The following VTCN1 variants were observed in gnomAD, a reference collection of about 807,000 sequenced individuals.
The protein encoded by VTCN1 is V-set domain containing T cell activation inhibitor 1, also known as V-set domain-containing T-cell activation inhibitor 1.
In VTCN1, 26 loss-of-function variants were observed where a neutral mutation model predicts 26.5. That is an observed-to-expected ratio of 0.98 (90% confidence interval 0.72 to 1.36). VTCN1 has a LOEUF of 1.36. VTCN1 is among the 40% of genes most tolerant of loss of function. The pLI, the probability that VTCN1 is intolerant of heterozygous loss-of-function variation, is 0.00. For synonymous variants in VTCN1, 116 were observed against 130.7 expected (o/e 0.89, Z 0.77); for missense variants, 298 against 337.7 (o/e 0.88, Z 0.92).
intron 1 of VTCN1, among the ~76,000 whole-genome samples, chr1:117,208,783 T>C (rs760973305): frequency 6.6e-6 from 1 of 152,158 alleles, no homozygotes; most frequent in Non-Finnish European, 1.5e-5. Context: ...CTGAGCAGCA[T>C]GCATGCTGAG....
chr1:117,153,066 C>T (rs1304665056), intron 4 of VTCN1, 25 bp downstream of exon 4: 1 of 1,584,864 alleles, frequency 6.3e-7, no homozygotes. Context: ...CCAGTAAATC[C>T]ATACAAAAGC....
chr1:117,156,998 CCAGA>C (rs772089682), intron 2 of VTCN1, 77 bp from the exon 3 acceptor site: 2 of 1,607,432 alleles, frequency 1.2e-6, no homozygotes, highest in South Asian at 1.1e-5. Context: ...TTGCTGAAAG[CCAGA>C]CAGAGACTTC....
At chr1:117,157,377 C>T (rs1322511263) in intron 2 of VTCN1, among the ~76,000 whole-genome samples, 2 of 152,072 alleles carry the variant, frequency 1.3e-5, no homozygotes. Flanking sequence ...TTTAATTGGA[C>T]TTACAGTTCC....
chr1:117,172,734 C>G (rs539316177), intron 1 of VTCN1, among the ~76,000 whole-genome samples: 1 of 151,760 alleles, frequency 6.6e-6, no homozygotes, highest in South Asian at 2.1e-4. Context: ...GTGAAGCCAG[C>G]TGGACTTCCT....
At chr1:117,184,141 G>T (rs1184532543) in intron 1 of VTCN1, among the ~76,000 whole-genome samples, 1 of 152,080 alleles carries the variant, frequency 6.6e-6, no homozygotes, top group Non-Finnish European at 1.5e-5. Flanking sequence ...CAGTTTCAGG[G>T]AATATATATT....
chr1:117,164,597 T>C (rs1453181096), intron 2 of VTCN1, among the ~76,000 whole-genome samples: 1 of 152,226 alleles, frequency 6.6e-6, no homozygotes, highest in Admixed American at 6.5e-5. Flanking sequence ...GGTGTGTGAG[T>C]GGACTCTCCT....
chr1:117,185,859 C>T lies in VTCN1; in HGVS notation c.33-15688G>A, dbSNP rs892850687. The stretch of plus-strand genomic sequence containing the variant: ...CCCACTTCAAGTTGTCCCACCTTTC[C>T]AGGTTGAACCAATGTAAAGCTTACA... On this transcript the variant is annotated intron_variant, in intron 1 of 5. Transcript: ENST00000369458. Among the ~76,000 whole-genome samples, 4 of 152,300 alleles carry T rather than the reference C, an allele frequency of 2.6e-5. No homozygotes were observed. The East Asian group carries it at 7.7e-4, about 29-fold the overall frequency.
intron 1 of VTCN1, among the ~76,000 whole-genome samples, chr1:117,208,182 C>A (rs771672633): frequency 1.3e-5 from 2 of 152,236 alleles, no homozygotes; most frequent in South Asian, 2.1e-4. Flanking sequence ...GCATTTCCTG[C>A]CTCAAACTTC....
chr1:117,191,657 C>A (rs1648250566), intron 1 of VTCN1, among the ~76,000 whole-genome samples: 1 of 152,172 alleles, frequency 6.6e-6, no homozygotes, highest in African/African-American at 2.4e-5. Context: ...TGGCACATGC[C>A]TGTAATCCCA....
At chr1:117,195,262 AAATAAT>A (rs61710825) in intron 1 of VTCN1, among the ~76,000 whole-genome samples, 69,116 of 142,302 alleles carry the variant, frequency 0.49, 18,437 homozygotes, top group East Asian at 0.7. Context: ...CTCCGTCTCA[AAATAAT>A]AATAATAATA....
At chr1:117,209,664 C>T (rs1435767612) in intron 1 of VTCN1, among the ~76,000 whole-genome samples, 1 of 152,190 alleles carries the variant, frequency 6.6e-6, no homozygotes, top group East Asian at 1.9e-4. Flanking sequence ...GCCCCTGCCA[C>T]CCACTGCTTC....
rs1336046335 is a variant in VTCN1, at chr1:117,161,095, T to A, written c.98-4174A>T. 6.6e-6 allele frequency among the ~76,000 whole-genome samples: 1 copy of A among 152,206 alleles called. No individual in the cohort carries two copies. Among genetic ancestry groups the A allele is most frequent in the African/African-American group, 2.4e-5 (1 of 41,450 alleles). Reference sequence around the variant, plus strand: ...TGTGGGAGATCTGGGAGACGAATTATGAAAGAGGACAAAATGAAGTTTTTG... The same window carrying A: ...TGTGGGAGATCTGGGAGACGAATTAAGAAAGAGGACAAAATGAAGTTTTTG... On this transcript the variant is annotated intron_variant, in intron 2 of 5. Coordinates refer to ENST00000369458, the MANE Select transcript of VTCN1 (RefSeq NM_024626.4). The surrounding 1 kb of genome is among the most constrained non-coding windows in gnomAD (Gnocchi z 4.3).
At chr1:117,150,596 T>C (rs993858848) in intron 4 of VTCN1, among the ~76,000 whole-genome samples, 4 of 151,374 alleles carry the variant, frequency 2.6e-5, no homozygotes, top group Admixed American at 1.3e-4. Flanking sequence ...ATATGTAATT[T>C]TTTAGTTAGA....
In VTCN1 at chr1:117,181,186, G is replaced by T. The variant is rs187800650; in HGVS notation, c.33-11015C>A. 4.0e-5 allele frequency among the ~76,000 whole-genome samples: 6 copies of T among 151,874 alleles called. No individual in the cohort carries two copies. In the East Asian group the frequency reaches 1.2e-3, roughly 29 times the overall value. The stretch of plus-strand genomic sequence containing the variant: ...AGTCCTAACACTTTGGGAGGCCAAG[G>T]TGGGAGAATTGCTCGAGGCCAGGAG... On this transcript the variant is annotated intron_variant, in intron 1 of 5. Coordinates refer to ENST00000369458, the MANE Select transcript of VTCN1 (RefSeq NM_024626.4).
At chr1:117,173,042 C>T (rs1195470054) in intron 1 of VTCN1, 3 of 643,466 alleles carry the variant, frequency 4.7e-6, no homozygotes, top group Non-Finnish European at 8.7e-6. Flanking sequence ...TTTGGGTCTG[C>T]ACTACCTTTA....
Position 117,175,920 on chromosome 1 carries a change from G to A in VTCN1, c.33-5749C>T, listed in dbSNP as rs994035981. 2.0e-5 allele frequency among the ~76,000 whole-genome samples: 3 copies of A among 151,972 alleles called. No homozygotes were observed. Among genetic ancestry groups the A allele is most frequent in the African/African-American group, 7.3e-5 (3 of 41,358 alleles). On this transcript the variant is annotated intron_variant, in intron 1 of 5. Transcript: ENST00000369458. This position sits in a 1 kb window ranked among gnomAD's most constrained non-coding sequence, Gnocchi z 4.2. Reference sequence around the variant, plus strand: ...CGAGTAGCTGGGATTACAGGCACGTGCCACCACGCCCGGCTAATTTTTTAT... The same window carrying A: ...CGAGTAGCTGGGATTACAGGCACGTACCACCACGCCCGGCTAATTTTTTAT...
chr1:117,168,208 A>G (rs7529019), intron 2 of VTCN1, among the ~76,000 whole-genome samples: 3,499 of 152,284 alleles, frequency 0.023, 150 homozygotes, highest in African/African-American at 0.08. Flanking sequence ...ATAAATTAAC[A>G]TAGGAAATTA....
In VTCN1 at chr1:117,191,068, C is replaced by T. The variant is rs115394944; in HGVS notation, c.32+19756G>A. On this transcript the variant is annotated intron_variant, in intron 1 of 5. Transcript: ENST00000369458. Reference sequence around the variant, plus strand: ...AAAAAAGAAGAGTTTAATAAAGAAACAAAAACCATAAAGAAGAACTAAACA... The same window carrying T: ...AAAAAAGAAGAGTTTAATAAAGAAATAAAAACCATAAAGAAGAACTAAACA... 9.9e-3 allele frequency among the ~76,000 whole-genome samples: 1,497 copies of T among 151,940 alleles called. 27 individuals are homozygous for T. Among genetic ancestry groups the T allele is most frequent in the African/African-American group, 0.032 (1,332 of 41,460 alleles).
chr1:117,170,179 A>AAG lies in VTCN1; in HGVS notation c.33-10_33-9dup. 6.2e-7 allele frequency: 1 copy of AAG among 1,613,168 alleles called. No individual in the cohort carries two copies. The highest frequency in any genetic ancestry group is 8.5e-7 in the Non-Finnish European group (1 of 1,179,566). On this transcript the variant is annotated splice_polypyrimidine_tract_variant and intron_variant, in intron 1 of 5. Transcript: ENST00000369458. ...ATGATGATGCTAATTATGCTACGGGAAGAGAGAGAGAAACAGAAAATTAGT... is the reference window on the plus strand; with the variant it reads ...ATGATGATGCTAATTATGCTACGGGAAGAGAGAGAGAGAAACAGAAAATTAGT...
Sources: gnomAD v4.1 joint callset for allele counts (sites outside exome capture counted in the v4.1 genomes callset) on GRCh38, gnomAD v4.1.1 for gene constraint, Gnocchi (gnomAD v3.1) non-coding constraint, MANE v1.5 for transcripts, NCBI Gene and HGNC (gene_info 2026-07-23, HGNC 2026-07-21) for gene names.